RCAN2: variants seen among roughly 807,000 people sequenced by gnomAD.
RCAN2 encodes the protein regulator of calcineurin 2.
A neutral mutation model predicts 23.6 loss-of-function variants in RCAN2; 9 were observed. That is an observed-to-expected ratio of 0.38 (90% CI 0.23 to 0.67). The LOEUF (loss-of-function observed/expected upper bound fraction) is 0.67. Among genes scored for constraint, RCAN2 ranks in the 30% least tolerant of loss-of-function variants. The probability of loss-of-function intolerance (pLI) is 0.51; values close to 1 mark genes in which losing one functional copy is unlikely to be tolerated. For synonymous variants in RCAN2, 109 were observed against 115.7 expected, an observed-to-expected ratio of 0.94 and a Z score of 0.37; for missense variants, 273 against 302.3, an observed-to-expected ratio of 0.90 and a Z score of 0.72.
intron 2 of RCAN2, among the ~76,000 whole-genome samples, chr6:46,311,576 G>C (rs1297736751): frequency 1.3e-5 from 2 of 152,168 alleles, no homozygotes; most frequent in Admixed American, 1.3e-4. Flanking sequence ...AGTGGGACTG[G>C]AGAAGCAGCC....
intron 2 of RCAN2, among the ~76,000 whole-genome samples, chr6:46,340,383 C>T (rs1343571813): frequency 6.6e-6 from 1 of 152,184 alleles, no homozygotes; most frequent in Non-Finnish European, 1.5e-5. Context: ...CTGTATAGTA[C>T]AGAGTTGTTT....
intron 2 of RCAN2, among the ~76,000 whole-genome samples, chr6:46,359,570 A>G (rs1229982045): frequency 6.6e-6 from 1 of 152,164 alleles, no homozygotes; most frequent in Admixed American, 6.6e-5. Flanking sequence ...AACTGTTTAT[A>G]TTTTATGAAT....
intron 2 of RCAN2, among the ~76,000 whole-genome samples, chr6:46,352,507 G>T (rs919432058): frequency 6.6e-6 from 1 of 152,156 alleles, no homozygotes; most frequent in Admixed American, 6.5e-5. Context: ...CCCCTTGGCT[G>T]ATGTACACGA....
chr6:46,378,948 A>G (rs984417880), intron 2 of RCAN2, among the ~76,000 whole-genome samples: 3 of 152,314 alleles, frequency 2.0e-5, no homozygotes, highest in South Asian at 2.1e-4. Flanking sequence ...TGAACCTAAC[A>G]TGCACATTGA....
chr6:46,246,914 C>T lies in RCAN2; in HGVS notation c.405G>A (p.Gln135=). The T allele has an allele frequency of 6.4e-7, 1 of 1,555,638 alleles. No individual in the cohort carries two copies. Among genetic ancestry groups the T allele is most frequent in the Non-Finnish European group, 8.7e-7 (1 of 1,150,074 alleles). The change falls in exon 4 of 5, where the codon CAG becomes CAA. Residue 135 remains glutamine, a synonymous_variant. Transcript: ENST00000371374. The part of the protein sequence containing the change: ...KKLKLYFAQV[Q]TPETDGDKLH... Reference sequence around the variant, plus strand: ...GTTTGTCTCCATCTGTCTCTGGAGTCTGAACCTTTCAAATAGAGTAGAGAT... The same window carrying T: ...GTTTGTCTCCATCTGTCTCTGGAGTTTGAACCTTTCAAATAGAGTAGAGAT...
At chr6:46,279,363 G>A (rs868063171) in intron 2 of RCAN2, among the ~76,000 whole-genome samples, 4 of 152,126 alleles carry the variant, frequency 2.6e-5, no homozygotes, top group Admixed American at 2.0e-4. Context: ...TCTTGCTCTC[G>A]AGAGGTTTGC....
intron 2 of RCAN2, among the ~76,000 whole-genome samples, chr6:46,308,256 T>C (rs1372566): frequency 0.71 from 108,286 of 152,130 alleles, 40,086 homozygotes; most frequent in Non-Finnish European, 0.82. Context: ...ATATAGAAAG[T>C]CACTTAAGTG....
At chr6:46,318,414 G>A (rs1292614654) in intron 2 of RCAN2, among the ~76,000 whole-genome samples, 2 of 152,144 alleles carry the variant, frequency 1.3e-5, no homozygotes, top group Non-Finnish European at 2.9e-5. Context: ...ATAGTTCAGA[G>A]CTGATATATT....
At chr6:46,336,186 G>A (rs977043344) in intron 2 of RCAN2, among the ~76,000 whole-genome samples, 2 of 152,180 alleles carry the variant, frequency 1.3e-5, no homozygotes, top group African/African-American at 4.8e-5. Context: ...TTGGCATCTC[G>A]AAGTAACTTT....
At chr6:46,270,647 A>C (rs1367814683) in intron 2 of RCAN2, among the ~76,000 whole-genome samples, 1 of 152,180 alleles carries the variant, frequency 6.6e-6, no homozygotes, top group Non-Finnish European at 1.5e-5. Context: ...CAATCTGTCA[A>C]AAGTGGTGGG....
chr6:46,401,099 G>C lies in RCAN2; in HGVS notation c.225+55653C>G, dbSNP rs147303175. Reference sequence around the variant, plus strand: ...ACAAAGTACAGCCACGTTCCCAGGAGTTAAATTAGACCCAGATGAGGAGCC... The same window carrying C: ...ACAAAGTACAGCCACGTTCCCAGGACTTAAATTAGACCCAGATGAGGAGCC... On this transcript the variant is annotated intron_variant, in intron 2 of 4. Coordinates refer to ENST00000371374, the MANE Select transcript of RCAN2 (RefSeq NM_001251974.2). Among the ~76,000 whole-genome samples the C allele has an allele frequency of 2.6e-5, 4 of 152,314 alleles. No individual in the cohort carries two copies. In the East Asian group the frequency reaches 7.7e-4, roughly 29 times the overall value.
At chr6:46,454,856 C>G (rs145439012) in intron 2 of RCAN2, among the ~76,000 whole-genome samples, 4 of 152,188 alleles carry the variant, frequency 2.6e-5, no homozygotes, top group African/African-American at 9.7e-5. Flanking sequence ...TGAACTCCCC[C>G]CTCCAGCCCC....
chr6:46,245,166 C>T (rs562027438), intron 4 of RCAN2, among the ~76,000 whole-genome samples: 43 of 152,286 alleles, frequency 2.8e-4, no homozygotes, highest in African/African-American at 8.7e-4. Context: ...CTTTCATCAG[C>T]ACATGTTAGT....
intron 2 of RCAN2, among the ~76,000 whole-genome samples, chr6:46,455,851 C>T (rs150407338): frequency 0.013 from 1,795 of 134,658 alleles, 21 homozygotes; most frequent in Non-Finnish European, 0.019. Flanking sequence ...AGCGAGATTC[C>T]GTTAAAAAAA....
intron 2 of RCAN2, among the ~76,000 whole-genome samples, chr6:46,376,595 G>A (rs1340116700): frequency 6.6e-6 from 1 of 152,102 alleles, no homozygotes. Flanking sequence ...CAGAAGAATC[G>A]CTTGAACCTG....
At chr6:46,264,809 AT>A (rs2150328973) in intron 2 of RCAN2, among the ~76,000 whole-genome samples, 1 of 152,348 alleles carries the variant, frequency 6.6e-6, no homozygotes, top group South Asian at 2.1e-4. Flanking sequence ...GTGGGAATTT[AT>A]TAGATATGAC....
chr6:46,225,732 G>T lies in RCAN2; in HGVS notation c.572-2431C>A, dbSNP rs146844276. Among the ~76,000 whole-genome samples, 590 of 152,254 alleles carry T rather than the reference G, an allele frequency of 3.9e-3. 18 individuals are homozygous for T. The East Asian group carries it at 0.045, about 12-fold the overall frequency. ...TGTAAAAATTTTCTCCCAATCTGTA[G>T]GTTGCCTGCTCACTCTGATGGTAGT... On this transcript the variant is annotated intron_variant, in intron 4 of 4. Transcript: ENST00000371374.
intron 2 of RCAN2, among the ~76,000 whole-genome samples, chr6:46,363,694 C>T (rs907096735): frequency 2.0e-5 from 3 of 151,902 alleles, no homozygotes; most frequent in Admixed American, 6.6e-5. Context: ...TTTTGGCATT[C>T]GTTTCTTATC....
chr6:46,268,151 A>G (rs542277237), intron 2 of RCAN2, among the ~76,000 whole-genome samples: 1 of 152,198 alleles, frequency 6.6e-6, no homozygotes, highest in Non-Finnish European at 1.5e-5. Context: ...AGAAAACACC[A>G]TTTTATTCAC....
Sources: allele counts gnomAD v4.1 joint callset (sites outside exome capture counted in the v4.1 genomes callset), GRCh38; gene constraint gnomAD v4.1.1; transcripts MANE v1.5; gene names NCBI Gene and HGNC (gene_info 2026-07-23, HGNC 2026-07-21).